The following ATP8B1 variants were observed in gnomAD, a reference collection of about 807,000 sequenced individuals.
ATP8B1 encodes phospholipid-transporting ATPase IC.
Under a neutral mutation model 149.9 loss-of-function variants are expected in ATP8B1, and 80 were observed. The ratio of observed to expected loss-of-function variants is 0.53; its 90% CI spans 0.45 to 0.64. ATP8B1 has a LOEUF of 0.64. Ranked by LOEUF, ATP8B1 falls within the 30% of genes least tolerant of loss-of-function variation. ATP8B1 has a pLI of 0.00. For synonymous variants in ATP8B1, 536 were observed against 562.8 expected (o/e 0.95, Z 0.67); for missense variants, 1,247 against 1,552.6 (o/e 0.80, Z 3.31).
chr18:57,792,600 C>T (rs2663852), intron 1 of ATP8B1, among the ~76,000 whole-genome samples: 23 of 152,152 alleles, frequency 1.5e-4, no homozygotes, highest in African/African-American at 5.3e-4. Flanking sequence ...GGGGACAAGG[C>T]GATAAACCAG....
At chr18:57,749,301 T>A (rs1357587966) in intron 1 of ATP8B1, among the ~76,000 whole-genome samples, 1 of 152,154 alleles carries the variant, frequency 6.6e-6, no homozygotes, top group African/African-American at 2.4e-5. Flanking sequence ...TATATACTTA[T>A]GATTCTGACA....
At chr18:57,664,227 C>T (rs1381626863) in intron 20 of ATP8B1, among the ~76,000 whole-genome samples, 2 of 151,936 alleles carry the variant, frequency 1.3e-5, no homozygotes, top group African/African-American at 2.4e-5. Context: ...CAATCTTAGG[C>T]CAGGCACTGT....
intron 20 of ATP8B1, among the ~76,000 whole-genome samples, chr18:57,662,992 G>A (rs1910578108): frequency 6.6e-6 from 1 of 152,116 alleles, no homozygotes; most frequent in African/African-American, 2.4e-5. Flanking sequence ...GTACAACTTA[G>A]TAGTGTTAAC....
In ATP8B1 at chr18:57,792,170, T is replaced by C. The variant is rs1222334236; in HGVS notation, c.-26+10828A>G. Among the ~76,000 whole-genome samples the C allele has an allele frequency of 2.0e-5, 3 of 152,230 alleles. No individual in the cohort carries two copies. The East Asian group carries it at 5.8e-4, about 29-fold the overall frequency. On this transcript the variant is annotated intron_variant, in intron 1 of 27. Transcript: ENST00000648908. ...TTCCTTTTATAACATGTCAGTCTAT[T>C]TGCAACTAGCACACATTTCCATGGC...
At chr18:57,684,716 G>T (rs1912146441) in intron 14 of ATP8B1, among the ~76,000 whole-genome samples, 3 of 152,068 alleles carry the variant, frequency 2.0e-5, no homozygotes, top group Non-Finnish European at 2.9e-5. Flanking sequence ...CTAACCTCTG[G>T]TACCTATGAA....
At chr18:57,672,665 G>A (rs559153733) in intron 16 of ATP8B1, among the ~76,000 whole-genome samples, 103 of 151,786 alleles carry the variant, frequency 6.8e-4, no homozygotes, top group African/African-American at 2.5e-3. Context: ...TCGGCAGTTG[G>A]AGACCAGCCT....
At chr18:57,729,284 T>C (rs575036711) in intron 2 of ATP8B1, among the ~76,000 whole-genome samples, 1 of 152,230 alleles carries the variant, frequency 6.6e-6, no homozygotes, top group East Asian at 1.9e-4. Flanking sequence ...CTGGACCCCA[T>C]GGAGCCAATT....
intron 16 of ATP8B1, among the ~76,000 whole-genome samples, chr18:57,673,897 C>T (rs1232921351): frequency 6.6e-6 from 1 of 152,074 alleles, no homozygotes; most frequent in African/African-American, 2.4e-5. Flanking sequence ...GATTTTGATT[C>T]ATAAGCATAG....
chr18:57,741,385 A>G (rs909104604), intron 1 of ATP8B1, among the ~76,000 whole-genome samples: 4 of 152,198 alleles, frequency 2.6e-5, no homozygotes, highest in African/African-American at 9.7e-5. Context: ...AGAGGCTCAC[A>G]TGGCAAGATG....
chr18:57,763,190 C>G (rs11664011), intron 1 of ATP8B1, among the ~76,000 whole-genome samples: 1 of 152,088 alleles, frequency 6.6e-6, no homozygotes, highest in Non-Finnish European at 1.5e-5. Flanking sequence ...GGTCAAGGTT[C>G]GAGACCAGCC....
intron 2 of ATP8B1, among the ~76,000 whole-genome samples, chr18:57,726,772 C>T (rs186193604): frequency 6.6e-6 from 1 of 152,136 alleles, no homozygotes; most frequent in Non-Finnish European, 1.5e-5. Context: ...AGCATGTTGC[C>T]CAAGATCTTA....
intron 2 of ATP8B1, among the ~76,000 whole-genome samples, chr18:57,717,253 A>G (rs530387900): frequency 2.6e-5 from 4 of 152,268 alleles, no homozygotes; most frequent in East Asian, 1.9e-4. Context: ...TGATGCATCT[A>G]AAAGAACTAG....
At chr18:57,786,696 C>T (rs1444823834) in intron 1 of ATP8B1, among the ~76,000 whole-genome samples, 1 of 152,162 alleles carries the variant, frequency 6.6e-6, no homozygotes. Context: ...GGAAATCTTC[C>T]AGGAGGAGGT....
At chr18:57,759,070 C>T (rs9965845) in intron 1 of ATP8B1, among the ~76,000 whole-genome samples, 66,732 of 147,708 alleles carry the variant, frequency 0.45, 15,203 homozygotes, top group Middle Eastern at 0.54. Context: ...GCAGGAGAAT[C>T]GCTTGAACCC....
At chr18:57,743,492 T>C (rs961352286) in intron 1 of ATP8B1, among the ~76,000 whole-genome samples, 1 of 152,192 alleles carries the variant, frequency 6.6e-6, no homozygotes, top group African/African-American at 2.4e-5. Flanking sequence ...TGCTTCCCAA[T>C]GTATGCCGCT....
At chr18:57,760,372 G>A (rs1482439515) in intron 1 of ATP8B1, among the ~76,000 whole-genome samples, 3 of 152,144 alleles carry the variant, frequency 2.0e-5, no homozygotes, top group African/African-American at 7.2e-5. Context: ...AGAGGGAAAG[G>A]GCCTGTCCCT....
intron 2 of ATP8B1, 125 bp from the exon 3 acceptor site, chr18:57,706,712 T>G: frequency 1.3e-6 from 1 of 788,564 alleles, no homozygotes; most frequent in Non-Finnish European, 2.2e-6. Flanking sequence ...GTGACCTTAT[T>G]TGGAAACTGC....
chr18:57,735,641 T>G (rs431863), intron 1 of ATP8B1: 1 of 152,150 alleles, frequency 6.6e-6, no homozygotes, highest in Admixed American at 6.5e-5. Flanking sequence ...TATAATTCCC[T>G]GGTTATATTT....
intron 2 of ATP8B1, among the ~76,000 whole-genome samples, chr18:57,709,982 TTTTTC>T (rs1197697949): frequency 2.0e-5 from 3 of 150,022 alleles, no homozygotes; most frequent in Admixed American, 1.3e-4. Flanking sequence ...GCCTGGCCAC[TTTTTC>T]TTTTCTTTTC....
Sources: allele counts gnomAD v4.1 joint callset (sites outside exome capture counted in the v4.1 genomes callset), GRCh38; gene constraint gnomAD v4.1.1; transcripts MANE v1.5; gene names NCBI Gene and HGNC (gene_info 2026-07-23, HGNC 2026-07-21).